KDM5A: variants seen among roughly 807,000 people sequenced by gnomAD.
The protein encoded by KDM5A is lysine demethylase 5A, also known as lysine-specific demethylase 5A.
Under a neutral mutation model 193.5 loss-of-function variants are expected in KDM5A, and 42 were observed. That is an observed-to-expected ratio of 0.22 (90% confidence interval 0.17 to 0.28). The LOEUF is 0.28. Among genes scored for constraint, KDM5A ranks in the 10% least tolerant of loss-of-function variants. The pLI, the probability that KDM5A is intolerant of heterozygous loss-of-function variation, is 1.00. For synonymous variants in KDM5A, 796 were observed against 718.1 expected (o/e 1.11, Z -1.73); for missense variants, 1,692 against 2,055.1 (o/e 0.82, Z 3.42).
intron 9 of KDM5A, among the ~76,000 whole-genome samples, chr12:351,533 C>T (rs1164640606): frequency 1.3e-5 from 2 of 151,962 alleles, no homozygotes; most frequent in Non-Finnish European, 2.9e-5. Context: ...ATTTTTTTGA[C>T]AGGGACTAAA....
intron 3 of KDM5A, among the ~76,000 whole-genome samples, chr12:375,758 G>C (rs1217201604): frequency 6.6e-6 from 1 of 152,114 alleles, no homozygotes; most frequent in Admixed American, 6.6e-5. Flanking sequence ...ATGGGATTTT[G>C]GTGTGGATGT....
intron 2 of KDM5A, 54 bp from the exon 3 acceptor site, chr12:384,207 A>C (rs1484588374): frequency 7.2e-7 from 1 of 1,390,056 alleles, no homozygotes; most frequent in Non-Finnish European, 1.0e-6. Context: ...GAATAAGAAT[A>C]ACAGAGCAGG....
chr12:388,502 C>G (rs1034270376), intron 1 of KDM5A: 2 of 361,046 alleles, frequency 5.5e-6, no homozygotes, highest in Admixed American at 3.7e-5. Context: ...CTCAGATAAC[C>G]TTTTCAGAAA....
chr12:294,006 T>C (rs1943337743), intron 26 of KDM5A, among the ~76,000 whole-genome samples: 1 of 152,104 alleles, frequency 6.6e-6, no homozygotes, highest in African/African-American at 2.4e-5. Context: ...GATGAAAACA[T>C]ACACAAAAAG....
intron 3 of KDM5A, among the ~76,000 whole-genome samples, chr12:383,174 A>G (rs1944596078): frequency 6.6e-6 from 1 of 151,948 alleles, no homozygotes; most frequent in African/African-American, 2.4e-5. Context: ...TACCACACAT[A>G]AGAATGCTGA....
chr12:293,651 T>C (rs1591897429), intron 26 of KDM5A, among the ~76,000 whole-genome samples: 1 of 151,684 alleles, frequency 6.6e-6, no homozygotes, highest in Non-Finnish European at 1.5e-5. Flanking sequence ...TGGTGGTGCA[T>C]GCCTGTAGTC....
intron 10 of KDM5A, among the ~76,000 whole-genome samples, chr12:338,174 G>C (rs1943958095): frequency 1.3e-5 from 2 of 152,020 alleles, no homozygotes; most frequent in Non-Finnish European, 2.9e-5. Context: ...CTAGACACTT[G>C]AATGGTAACA....
chr12:361,495 G>A (rs1944294751), intron 5 of KDM5A, among the ~76,000 whole-genome samples: 1 of 151,922 alleles, frequency 6.6e-6, no homozygotes, highest in South Asian at 2.1e-4. Context: ...TGCCCGGCCT[G>A]TAGTCCCCAT....
At chr12:373,947 G>A (rs1008094393) in intron 3 of KDM5A, among the ~76,000 whole-genome samples, 1 of 152,216 alleles carries the variant, frequency 6.6e-6, no homozygotes, top group Non-Finnish European at 1.5e-5. Flanking sequence ...CTGAGAGACA[G>A]TTTGTTATAA....
intron 10 of KDM5A, 52 bp downstream of exon 10, chr12:350,569 T>C: frequency 1.3e-6 from 2 of 1,586,212 alleles, no homozygotes; most frequent in South Asian, 1.1e-5. Context: ...TAGTTTTCAA[T>C]GCAAAAGCTA....
chr12:362,775 A>G (rs1260967552), intron 5 of KDM5A, among the ~76,000 whole-genome samples, 188 bp downstream of exon 5: 2 of 152,222 alleles, frequency 1.3e-5, no homozygotes, highest in African/African-American at 4.8e-5. Flanking sequence ...TGTTCCACAC[A>G]GTTCATGCAT....
intron 16 of KDM5A, 89 bp from the exon 17 acceptor site, chr12:322,656 C>T (rs902061970): frequency 2.2e-5 from 22 of 1,007,824 alleles, no homozygotes; most frequent in Non-Finnish European, 3.4e-5. Context: ...TCAAGTGAGT[C>T]CCCAACCTAC....
intron 22 of KDM5A, among the ~76,000 whole-genome samples, chr12:309,131 C>T (rs762195915): frequency 6.6e-6 from 1 of 152,124 alleles, no homozygotes; most frequent in African/African-American, 2.4e-5. Flanking sequence ...AACTTAGTAA[C>T]AGGCAAAATG....
intron 14 of KDM5A, among the ~76,000 whole-genome samples, chr12:324,870 C>A (rs2137413697): frequency 1.3e-5 from 2 of 150,348 alleles, no homozygotes; most frequent in East Asian, 1.9e-4. Context: ...GAGACTCCAT[C>A]TCAAAAAGAA....
intron 18 of KDM5A, among the ~76,000 whole-genome samples, chr12:318,965 C>T (rs12303378): frequency 0.071 from 10,731 of 152,170 alleles, 846 homozygotes; most frequent in East Asian, 0.35. Flanking sequence ...GGAGGAACTA[C>T]AAGAGGATCT....
chr12:381,974 TTTA>T (rs1449469241), intron 3 of KDM5A, among the ~76,000 whole-genome samples: 10 of 152,090 alleles, frequency 6.6e-5, no homozygotes, highest in Non-Finnish European at 1.3e-4. Context: ...GCCAGGATTA[TTTA>T]TTTTTTAATT....
At chr12:323,904 C>T in intron 14 of KDM5A, 123 bp from the exon 15 acceptor site, 1 of 774,540 alleles carries the variant, frequency 1.3e-6, no homozygotes, top group Non-Finnish European at 2.2e-6. Flanking sequence ...ATGAAAGGTA[C>T]AATGGCACAA....
At chr12:359,716 TG>T (rs1403368719) in intron 5 of KDM5A, among the ~76,000 whole-genome samples, 21 of 117,228 alleles carry the variant, frequency 1.8e-4, no homozygotes, top group African/African-American at 6.7e-4. Context: ...CACTCCAGCC[TG>T]GGTGACAGAG....
intron 24 of KDM5A, among the ~76,000 whole-genome samples, chr12:306,726 G>C (rs1470754701): frequency 1.4e-5 from 2 of 147,674 alleles, no homozygotes; most frequent in African/African-American, 2.5e-5. Flanking sequence ...CTGGGTGACA[G>C]AGCGAGACTC....
Sources: allele counts gnomAD v4.1 joint callset (sites outside exome capture counted in the v4.1 genomes callset), GRCh38; gene constraint gnomAD v4.1.1; transcripts MANE v1.5; gene names NCBI Gene and HGNC (gene_info 2026-07-23, HGNC 2026-07-21).